The following FLT4 variants were observed in gnomAD, a reference collection of about 807,000 sequenced individuals.
FLT4 encodes the protein vascular endothelial growth factor receptor 3.
A neutral mutation model predicts 163.2 loss-of-function variants in FLT4; 30 were observed. That is an observed-to-expected ratio of 0.18 (90% CI 0.14 to 0.25). The LOEUF is 0.25. Ranked by LOEUF, FLT4 falls within the 10% of genes least tolerant of loss-of-function variation. FLT4 has a pLI of 1.00. For missense variants in FLT4, 1,510 were observed against 1,863.8 expected, an observed-to-expected ratio of 0.81 and a Z score of 3.50; for synonymous variants, 884 against 789.5, an observed-to-expected ratio of 1.12 and a Z score of -2.01.
At position 180,619,304 on chromosome 5, in the gene FLT4, C is replaced by A; in HGVS notation, c.2710G>T (p.Gly904Cys). The change falls in exon 19 of 30, where the codon GGC becomes TGC. Residue 904 changes from glycine (G) to cysteine (C), a missense_variant. By Grantham distance (159) the Gly-to-Cys change is radical. Around this residue, in one of 5 missense-constraint regions of FLT4, gnomAD observed 878 missense variants for 1,016.7 expected, o/e 0.86. Coordinates refer to ENST00000261937, the MANE Select transcript of FLT4 (RefSeq NM_182925.5). ...MSELKILIHI[G>C]NHLNVVNLLG... ...AGGTTGACCACGTTGAGGTGGTTGCCGATGTGAATGAGGATCTTGAGCTCC... is the reference window on the plus strand; with the variant it reads ...AGGTTGACCACGTTGAGGTGGTTGCAGATGTGAATGAGGATCTTGAGCTCC... The A allele has an allele frequency of 1.2e-6, 2 of 1,611,334 alleles. No individual in the cohort carries two copies. Among genetic ancestry groups the A allele is most frequent in the Non-Finnish European group, 1.7e-6 (2 of 1,179,520 alleles).
At chr5:180,616,552 C>T (rs767911635) in intron 22 of FLT4, 63 bp from the exon 23 acceptor site, 69 of 1,596,168 alleles carry the variant, frequency 4.3e-5, no homozygotes, top group Non-Finnish European at 5.6e-5. Flanking sequence ...TACCCACACC[C>T]GAAACTCCAG....
Position 180,631,744 on chromosome 5 carries a change from G to C in FLT4, c.93C>G (p.Thr31=). The C allele has an allele frequency of 6.2e-7, 1 of 1,610,694 alleles. No individual in the cohort carries two copies. The highest frequency in any genetic ancestry group is 8.5e-7 in the Non-Finnish European group (1 of 1,179,924). The change falls in exon 2 of 30, where the codon ACC becomes ACG. Residue 31 remains threonine (T), a synonymous_variant. Coordinates refer to ENST00000261937, the MANE Select transcript of FLT4 (RefSeq NM_182925.5). ...LVSGYSMTPP[T]LNITEESHVI... is the part of the protein sequence containing the mutation. Reference sequence around the variant, plus strand: ...CGTGTGACTCCTCCGTGATGTTCAAGGTCGGGGGGGTCATGGAGTAGCCAC... The same window carrying C: ...CGTGTGACTCCTCCGTGATGTTCAACGTCGGGGGGGTCATGGAGTAGCCAC...
At chr5:180,621,986 GCCTC>G (rs10635355) in intron 12 of FLT4, 82 bp from the exon 13 acceptor site, 9 of 1,300,866 alleles carry the variant, frequency 6.9e-6, no homozygotes, top group Middle Eastern at 2.5e-4. Flanking sequence ...GTCTCCTCCT[GCCTC>G]CCTCCCTCCC....
At position 180,630,497 on chromosome 5, in the gene FLT4, G is replaced by A. The variant is rs1201053047; in HGVS notation, c.400+58C>T. 2.7e-5 allele frequency: 44 copies of A among 1,605,706 alleles called. No homozygotes were observed. Among genetic ancestry groups the A allele is most frequent in the African/African-American group, 5.4e-5 (4 of 74,734 alleles). Reference sequence around the variant, plus strand: ...AGCCCAGGGTCCACAGGCTGGGGGCGGTGTGGGCCCCAGCTGCCCGGGACC... The same window carrying A: ...AGCCCAGGGTCCACAGGCTGGGGGCAGTGTGGGCCCCAGCTGCCCGGGACC... On this transcript the variant is annotated intron_variant, in intron 3 of 29. Transcript: ENST00000261937. The surrounding 1 kb of genome is among the most constrained non-coding windows in gnomAD (Gnocchi z 6.3).
intron 27 of FLT4, among the ~76,000 whole-genome samples, chr5:180,610,522 A>C (rs1762095759): frequency 6.6e-6 from 1 of 152,260 alleles, no homozygotes; most frequent in Non-Finnish European, 1.5e-5. Context: ...CATCTCAGCA[A>C]CACTGCTGTG....
At chr5:180,615,265 CCGAAA>C (rs55749400) in intron 23 of FLT4, among the ~76,000 whole-genome samples, 82 of 115,168 alleles carry the variant, frequency 7.1e-4, no homozygotes, top group East Asian at 2.2e-3. Flanking sequence ...ATCTCCACTT[CCGAAA>C]TCCACTTCCT....
chr5:180,620,296 C>T lies in FLT4; in HGVS notation c.2419G>A (p.Asp807Asn). Reference sequence around the variant, plus strand: ...ATGGACAGGTAGCCCGTCTTGATGTCTGCGTGGGCCGGCTGCGGGGAGGGG... The same window carrying T: ...ATGGACAGGTAGCCCGTCTTGATGTTTGCGTGGGCCGGCTGCGGGGAGGGG... ...FCNMRRPAHADIKTGYLSIIM... is the reference protein window; with the variant it reads ...FCNMRRPAHANIKTGYLSIIM... The change falls in exon 17 of 30, where the codon GAC becomes AAC. Residue 807 changes from aspartate (D) to asparagine (N), a missense_variant. Transcript: ENST00000261937. The surrounding 1 kb of genome is among the most constrained non-coding windows in gnomAD (Gnocchi z 4.4). 2 of 1,611,822 alleles carry T rather than the reference C, an allele frequency of 1.2e-6. No homozygotes were observed. Among genetic ancestry groups the T allele is most frequent in the Non-Finnish European group, 1.7e-6 (2 of 1,179,970 alleles).
chr5:180,631,912 C>T (rs1764197897), intron 1 of FLT4, 134 bp from the exon 2 acceptor site: 7 of 676,272 alleles, frequency 1.0e-5, no homozygotes, highest in Non-Finnish European at 1.9e-5. Flanking sequence ...CAGCCAGCAC[C>T]GCGTGGCCTG....
rs781205285 is a variant in FLT4 at position 180,614,178 on chromosome 5, G to A, written c.3221C>T (p.Ala1074Val). 3.7e-6 allele frequency: 6 copies of A among 1,608,870 alleles called. No individual in the cohort carries two copies. Among genetic ancestry groups the A allele is most frequent in the Non-Finnish European group, 5.1e-6 (6 of 1,175,248 alleles). The change falls in exon 24 of 30, where the codon GCC (alanine) becomes GTC (valine). Residue 1074 changes from alanine to valine, a missense_variant and splice_region_variant. Transcript: ENST00000261937. ...GGCCATCCACTTCAGGGGCAGCCGG[G>A]CCTGGGGAGACAGAGGGAAGCTTGT... ...KDPDYVRKGS[A>V]RLPLKWMAPE... is the part of the protein sequence containing the mutation.
intron 12 of FLT4, 116 bp from the exon 13 acceptor site, chr5:180,622,020 A>T: frequency 8.0e-7 from 1 of 1,244,506 alleles, no homozygotes; most frequent in Non-Finnish European, 1.1e-6. Context: ...GAGGGGCCCC[A>T]GCTGGACTGC....
chr5:180,638,235 G>C (rs1764834474), intron 1 of FLT4, among the ~76,000 whole-genome samples: 1 of 152,172 alleles, frequency 6.6e-6, no homozygotes, highest in African/African-American at 2.4e-5. Flanking sequence ...CACTGGACTT[G>C]GGACACCCCA....
In FLT4 at chr5:180,622,933, C is replaced by A. The variant is rs1005045892; in HGVS notation, c.1549-94G>T. 8.8e-6 allele frequency: 7 copies of A among 791,848 alleles called. No individual in the cohort carries two copies. The Middle Eastern group carries it at 9.4e-4, about 106-fold the overall frequency. 49.1% of individuals were successfully genotyped at this position (791,848 alleles called of 1,614,324 possible). On this transcript the variant is annotated intron_variant, in intron 11 of 29. Transcript: ENST00000261937. ...CAAGGAGGTCGCTGTGCACCACCCC[C>A]CCCAATCATGGGGGAAACTGAGGCT...
intron 8 of FLT4, among the ~76,000 whole-genome samples, chr5:180,627,935 C>T (rs573307012): frequency 6.6e-6 from 1 of 152,278 alleles, no homozygotes; most frequent in South Asian, 2.1e-4. Context: ...GAGGGTCACA[C>T]TGGGCTCAGG....
intron 29 of FLT4, among the ~76,000 whole-genome samples, chr5:180,604,494 TCCACCCTTCA>T (rs1761683698): frequency 6.6e-6 from 1 of 152,160 alleles, no homozygotes; most frequent in Non-Finnish European, 1.5e-5. Context: ...CTCCTGGTGG[TCCACCCTTCA>T]GAGAGGTCCT....
chr5:180,613,608 C>T (rs953934883), intron 24 of FLT4: 4 of 293,806 alleles, frequency 1.4e-5, no homozygotes, highest in Non-Finnish European at 2.6e-5. Flanking sequence ...CTCCTACACT[C>T]TTCCTGCTCC....
Position 180,619,261 on chromosome 5 carries a change from T to C in FLT4, c.2753A>G (p.Lys918Arg). The C allele has an allele frequency of 4.4e-6, 7 of 1,608,730 alleles. No homozygotes were observed. The highest frequency in any genetic ancestry group is 5.1e-6 in the Non-Finnish European group (6 of 1,178,346). The change falls in exon 19 of 30, where the codon AAG becomes AGG. Residue 918 changes from lysine to arginine, a missense_variant. Physicochemically the swap from Lys to Arg is conservative, Grantham distance 26 (BLOSUM62 2). Transcript: ENST00000261937. The stretch of plus-strand genomic sequence containing the variant: ...GGCCGCCCGCTCCGTACCCTGCGGC[T>C]TGGTGCACGCCCCGAGGAGGTTGAC... ...NVVNLLGACT[K>R]PQGPLMVIVE...
intron 27 of FLT4, among the ~76,000 whole-genome samples, chr5:180,610,904 A>C (rs564407463): frequency 1.2e-4 from 19 of 152,176 alleles, no homozygotes; most frequent in Middle Eastern, 3.2e-3. Context: ...AAAAATACAA[A>C]AAATTAGCCA....
chr5:180,619,918 G>GT (rs1400095825), intron 17 of FLT4, 149 bp from the exon 18 acceptor site: 15 of 689,722 alleles, frequency 2.2e-5, no homozygotes, highest in Middle Eastern at 4.0e-4. Context: ...ACAAGGAGAG[G>GT]TGGACAGGAG....
chr5:180,649,597 A>C lies in FLT4; in HGVS notation c.-52T>G. 2 of 1,157,958 alleles carry C rather than the reference A, an allele frequency of 1.7e-6. No homozygotes were observed. Among genetic ancestry groups the C allele is most frequent in the Non-Finnish European group, 2.2e-6 (2 of 923,308 alleles). 71.7% of individuals were successfully genotyped at this position (1,157,958 alleles called of 1,614,324 possible). ...CCGAGCGGCCGCGGCTCGGGGCTGA[A>C]AGTGTCCGCGCGGGCGCCGGCTGGC... On this transcript the variant is annotated 5_prime_UTR_variant, in exon 1 of 30. Transcript: ENST00000261937.
Sources: allele counts gnomAD v4.1 joint callset (sites outside exome capture counted in the v4.1 genomes callset), GRCh38; gene constraint gnomAD v4.1.1; regional missense constraint gnomAD v4.1.1; non-coding constraint Gnocchi (gnomAD v3.1); transcripts MANE v1.5; gene names NCBI Gene and HGNC (gene_info 2026-07-23, HGNC 2026-07-21).